The following PCDHGA12 variants were observed in gnomAD, a reference collection of about 807,000 sequenced individuals.
The protein encoded by PCDHGA12 is protocadherin gamma subfamily A, 12.
PCDHGA12 carries 43 observed loss-of-function variants against 61.1 expected under a neutral mutation model. The observed-to-expected ratio is 0.70, with a 90% CI of 0.55 to 0.91. The LOEUF is 0.91. Among genes scored for constraint, PCDHGA12 ranks in the 40% least tolerant of loss-of-function variants. The pLI is 0.00. For synonymous variants in PCDHGA12, 520 were observed against 542.9 expected (o/e 0.96, Z 0.59); for missense variants, 1,236 against 1,227.7 (o/e 1.01, Z -0.10).
chr5:141,474,412 C>T (rs1282336092), intron 1 of PCDHGA12, among the ~76,000 whole-genome samples: 2 of 152,220 alleles, frequency 1.3e-5, no homozygotes, highest in African/African-American at 2.4e-5. Context: ...CCGGTGATGC[C>T]TAGACCATTG....
At chr5:141,453,865 A>T (rs1048679358) in intron 1 of PCDHGA12, among the ~76,000 whole-genome samples, 2 of 152,234 alleles carry the variant, frequency 1.3e-5, no homozygotes, top group African/African-American at 4.8e-5. Flanking sequence ...AAAATAACAG[A>T]TGAGCAAAAT....
chr5:141,450,071 A>G (rs1039802551), intron 1 of PCDHGA12, among the ~76,000 whole-genome samples: 3 of 139,286 alleles, frequency 2.2e-5, no homozygotes, highest in Non-Finnish European at 3.0e-5. Flanking sequence ...CAGTGGTATG[A>G]TCTTGGCTCA....
chr5:141,461,732 A>G (rs945368729), intron 1 of PCDHGA12, among the ~76,000 whole-genome samples: 5 of 152,154 alleles, frequency 3.3e-5, no homozygotes, highest in Non-Finnish European at 5.9e-5. Context: ...GTGCAGTGGC[A>G]CAATCCCGGC....
At chr5:141,451,610 G>T (rs184745360) in intron 1 of PCDHGA12, among the ~76,000 whole-genome samples, 60 of 152,298 alleles carry the variant, frequency 3.9e-4, no homozygotes, top group African/African-American at 1.3e-3. Context: ...GGCTAGGCAT[G>T]GTGGCTCAAA....
intron 3 of PCDHGA12, among the ~76,000 whole-genome samples, chr5:141,509,751 A>T (rs1430265981): frequency 6.6e-6 from 1 of 151,998 alleles, no homozygotes; most frequent in Admixed American, 6.5e-5. Flanking sequence ...CCTGTGCCTA[A>T]AGTGTCCCTG....
intron 1 of PCDHGA12, among the ~76,000 whole-genome samples, chr5:141,454,195 T>C (rs1295815862): frequency 6.6e-6 from 1 of 152,136 alleles, no homozygotes; most frequent in Admixed American, 6.6e-5. Context: ...TTAGTGAAGG[T>C]GAATTTATTG....
chr5:141,433,162 A>G lies in PCDHGA12; in HGVS notation c.2403A>G (p.Lys801=). Residue 801 remains lysine, a synonymous_variant, in exon 1 of 4, where the codon AAA becomes AAG. Coordinates refer to ENST00000252085, the MANE Select transcript of PCDHGA12 (RefSeq NM_003735.3). Reference sequence around the variant, plus strand: ...TGTCAGGTGATTCGGTATTTTCTAAAGACAGTCATGGGTTAATTGAGGTGA... The same window carrying G: ...TGTCAGGTGATTCGGTATTTTCTAAGGACAGTCATGGGTTAATTGAGGTGA... ...LLLSGDSVFS[K]DSHGLIEQAP... The G allele has an allele frequency of 6.2e-7, 1 of 1,613,890 alleles. No homozygotes were observed. The highest frequency in any genetic ancestry group is 8.5e-7 in the Non-Finnish European group (1 of 1,179,948).
Position 141,489,730 on chromosome 5 carries a change from A to G in PCDHGA12, c.2425-5077A>G. The stretch of plus-strand genomic sequence containing the variant: ...CAGTGCCCAGGATCCGGATGTGGGC[A>G]CCAATACTGTGAGCTTTTACACTCT... On this transcript the variant is annotated intron_variant, in intron 1 of 3. Coordinates refer to ENST00000252085, the MANE Select transcript of PCDHGA12 (RefSeq NM_003735.3). This position sits in a 1 kb window ranked among gnomAD's most constrained non-coding sequence, Gnocchi z 4.5. 6.2e-7 allele frequency: 1 copy of G among 1,614,182 alleles called. No homozygotes were observed. Among genetic ancestry groups the G allele is most frequent in the Non-Finnish European group, 8.5e-7 (1 of 1,180,020 alleles).
chr5:141,487,689 A>G lies in PCDHGA12; in HGVS notation c.2425-7118A>G. 6.2e-7 allele frequency: 1 copy of G among 1,605,144 alleles called. No homozygotes were observed. The highest frequency in any genetic ancestry group is 1.7e-4 in the Middle Eastern group (1 of 6,050). ...GGCATATGGCTAGGCCATGTCCTAG[A>G]GAGTACTGGCCTCTCAGTAAGTGCC... On this transcript the variant is annotated intron_variant, in intron 1 of 3. Coordinates refer to ENST00000252085, the MANE Select transcript of PCDHGA12 (RefSeq NM_003735.3). This position sits in a 1 kb window ranked among gnomAD's most constrained non-coding sequence, Gnocchi z 5.0.
rs1272694679 is a variant in PCDHGA12, at chr5:141,486,884, C to T, written c.2425-7923C>T. 7 of 1,614,106 alleles carry T rather than the reference C, an allele frequency of 4.3e-6. No individual in the cohort carries two copies. The highest frequency in any genetic ancestry group is 1.1e-5 in the South Asian group (1 of 91,082). ...TCCAGCTGTGCTCCGTCCTCGGGCC[C>T]GGCCTGGTTCCTTATGTCCCCAAGC... On this transcript the variant is annotated intron_variant, in intron 1 of 3. Coordinates refer to ENST00000252085, the MANE Select transcript of PCDHGA12 (RefSeq NM_003735.3). The surrounding 1 kb of genome is among the most constrained non-coding windows in gnomAD (Gnocchi z 5.0).
Position 141,490,109 on chromosome 5 carries a change from G to A in PCDHGA12, c.2425-4698G>A, listed in dbSNP as rs775286436. The A allele has an allele frequency of 3.4e-5, 55 of 1,614,114 alleles. No homozygotes were observed. Among genetic ancestry groups the A allele is most frequent in the African/African-American group, 8.0e-5 (6 of 74,940 alleles). ...GGAGACCACACATCTGAGGCAGTGC[G>A]GAACCTCTTTGGCCTAGACCCTAGC... On this transcript the variant is annotated intron_variant, in intron 1 of 3. Coordinates refer to ENST00000252085, the MANE Select transcript of PCDHGA12 (RefSeq NM_003735.3). This position sits in a 1 kb window ranked among gnomAD's most constrained non-coding sequence, Gnocchi z 5.4.
rs1410729947 is a variant in PCDHGA12 at position 141,493,256 on chromosome 5, T to TA, written c.2425-1550dup. 3.3e-5 allele frequency among the ~76,000 whole-genome samples: 5 copies of TA among 152,306 alleles called. No homozygotes were observed. The highest frequency in any genetic ancestry group is 1.2e-4 in the African/African-American group (5 of 41,570). ...TGGCTAGGTACTAACATGCCTCTCT[T>TA]ATAACAGCTTCACAGAGGTCAAGTG... On this transcript the variant is annotated intron_variant, in intron 1 of 3. Transcript: ENST00000252085. This position sits in a 1 kb window ranked among gnomAD's most constrained non-coding sequence, Gnocchi z 4.3.
chr5:141,438,811 G>T (rs2098067148), intron 1 of PCDHGA12, among the ~76,000 whole-genome samples: 1 of 149,790 alleles, frequency 6.7e-6, no homozygotes, highest in East Asian at 2.0e-4. Context: ...ACAGGCGCCT[G>T]TCACCATGCC....
At position 141,485,576 on chromosome 5, in the gene PCDHGA12, C is replaced by A; in HGVS notation, c.2425-9231C>A. 1 of 1,612,412 alleles carries A rather than the reference C, an allele frequency of 6.2e-7. No individual in the cohort carries two copies. The highest frequency in any genetic ancestry group is 8.5e-7 in the Non-Finnish European group (1 of 1,178,628). On this transcript the variant is annotated intron_variant, in intron 1 of 3. Transcript: ENST00000252085. The surrounding 1 kb of genome is among the most constrained non-coding windows in gnomAD (Gnocchi z 5.7). ...GAATGATCACGCCCCCCGTTTTCCGCGGCAGCAGCTGGACTTGGAAATTGG... is the reference window on the plus strand; with the variant it reads ...GAATGATCACGCCCCCCGTTTTCCGAGGCAGCAGCTGGACTTGGAAATTGG...
chr5:141,434,870 C>G (rs1263324193), intron 1 of PCDHGA12, among the ~76,000 whole-genome samples: 3 of 151,726 alleles, frequency 2.0e-5, no homozygotes, highest in Non-Finnish European at 1.5e-5. Flanking sequence ...ATATATGTGA[C>G]AGATACCAAC....
rs149806642 is a variant in PCDHGA12 at position 141,502,449 on chromosome 5, A to T, written c.2484-2944A>T. 7.7e-3 allele frequency among the ~76,000 whole-genome samples: 1,166 copies of T among 151,886 alleles called. 15 individuals carry two copies. The highest frequency in any genetic ancestry group is 0.027 in the African/African-American group (1,103 of 41,308). On this transcript the variant is annotated intron_variant, in intron 2 of 3. Coordinates refer to ENST00000252085, the MANE Select transcript of PCDHGA12 (RefSeq NM_003735.3). The stretch of plus-strand genomic sequence containing the variant: ...TCTGATGGTTAGATTCAGATTACAC[A>T]CCTTGGTAGGAATACTTCCCGCAGC...
intron 1 of PCDHGA12, among the ~76,000 whole-genome samples, chr5:141,460,983 G>GTA (rs59296681): frequency 9.4e-4 from 130 of 137,840 alleles, no homozygotes; most frequent in Middle Eastern, 3.8e-3. Context: ...GTGTGTGTGT[G>GTA]TATATATATA....
intron 1 of PCDHGA12, among the ~76,000 whole-genome samples, chr5:141,445,746 TA>T (rs1486411811): frequency 2.0e-5 from 3 of 152,028 alleles, no homozygotes; most frequent in Non-Finnish European, 4.4e-5. Flanking sequence ...TTTTAAAAAA[TA>T]AAAGGTGTGA....
At chr5:141,433,204 C>A in intron 1 of PCDHGA12, 21 bp downstream of exon 1, 1 of 1,566,946 alleles carries the variant, frequency 6.4e-7, no homozygotes, top group Non-Finnish European at 8.6e-7. Flanking sequence ...ATCAAATCTT[C>A]TTTCTTTTTT....
Sources: gnomAD v4.1 joint callset for allele counts (sites outside exome capture counted in the v4.1 genomes callset) on GRCh38, gnomAD v4.1.1 for gene constraint, Gnocchi (gnomAD v3.1) non-coding constraint, MANE v1.5 for transcripts, NCBI Gene and HGNC (gene_info 2026-07-23, HGNC 2026-07-21) for gene names.